Variants in ATG10 observed in about 807,000 individuals in gnomAD.
The protein encoded by ATG10 is autophagy related 10, also known as ubiquitin-like-conjugating enzyme ATG10.
ATG10 carries 30 observed loss-of-function variants against 32.1 expected under a neutral mutation model. That is an observed-to-expected ratio of 0.94 (90% CI 0.70 to 1.27). ATG10 has a LOEUF of 1.27. ATG10 is among the 50% of genes most tolerant of loss of function. ATG10 has a pLI of 0.00. For synonymous variants in ATG10, 87 were observed against 91.5 expected (o/e 0.95, Z 0.28); for missense variants, 233 against 262.3 (o/e 0.89, Z 0.77).
At chr5:82,083,265 C>T (rs978862502) in intron 3 of ATG10, among the ~76,000 whole-genome samples, 1 of 152,314 alleles carries the variant, frequency 6.6e-6, no homozygotes, top group African/African-American at 2.4e-5. Flanking sequence ...AACTGCAAGG[C>T]AGCAGTGAGG....
chr5:82,178,394 A>G, intron 4 of ATG10, 96 bp from the exon 5 acceptor site: 1 of 748,412 alleles, frequency 1.3e-6, no homozygotes, highest in Non-Finnish European at 2.4e-6. Flanking sequence ...AGATCTTTCT[A>G]AAAGTCATGA....
intron 3 of ATG10, among the ~76,000 whole-genome samples, chr5:82,069,608 A>G (rs1276371632): frequency 6.6e-6 from 1 of 152,188 alleles, no homozygotes; most frequent in Admixed American, 6.6e-5. Context: ...CATAAATGCC[A>G]GAAACTGATA....
intron 3 of ATG10, among the ~76,000 whole-genome samples, chr5:82,160,472 A>G (rs1385250750): frequency 6.6e-6 from 1 of 152,180 alleles, no homozygotes; most frequent in Non-Finnish European, 1.5e-5. Flanking sequence ...TAAAGCTGCT[A>G]TGAACATTCA....
In ATG10 at chr5:82,116,516, A is replaced by G. The variant is rs146678150; in HGVS notation, c.217-47883A>G. On this transcript the variant is annotated intron_variant, in intron 3 of 7. Transcript: ENST00000282185. The stretch of plus-strand genomic sequence containing the variant: ...TGCACCATCGCATATTATACATTTT[A>G]TATGTATATTGCAAATGTCTATGTT... Among the ~76,000 whole-genome samples, 784 of 152,216 alleles carry G rather than the reference A, an allele frequency of 5.2e-3. 5 individuals are homozygous for G. Among genetic ancestry groups the G allele is most frequent in the Non-Finnish European group, 7.7e-3 (522 of 67,990 alleles).
intron 3 of ATG10, among the ~76,000 whole-genome samples, chr5:82,070,908 T>G (rs1311055874): frequency 6.6e-6 from 1 of 152,184 alleles, no homozygotes; most frequent in African/African-American, 2.4e-5. Flanking sequence ...AAGTTACTAG[T>G]TACCTTACAA....
At chr5:82,102,395 A>G (rs944611475) in intron 3 of ATG10, among the ~76,000 whole-genome samples, 3 of 152,156 alleles carry the variant, frequency 2.0e-5, no homozygotes, top group East Asian at 1.9e-4. Flanking sequence ...GTCTGTAGTA[A>G]GTAGACTGAA....
chr5:82,049,548 A>G (rs1350447753), intron 2 of ATG10, among the ~76,000 whole-genome samples: 4 of 151,994 alleles, frequency 2.6e-5, no homozygotes, highest in African/African-American at 4.8e-5. Flanking sequence ...CTTAAAGTAT[A>G]ATAATAATAA....
chr5:82,231,013 G>A (rs1484781832), intron 5 of ATG10, among the ~76,000 whole-genome samples: 1 of 152,090 alleles, frequency 6.6e-6, no homozygotes, highest in African/African-American at 2.4e-5. Flanking sequence ...CCTTTAAGAG[G>A]CCCTAGTCTG....
At chr5:82,185,390 G>A (rs115353778) in intron 5 of ATG10, among the ~76,000 whole-genome samples, 3 of 152,218 alleles carry the variant, frequency 2.0e-5, no homozygotes, top group African/African-American at 4.8e-5. Flanking sequence ...GAAGAAACTC[G>A]TTGATTATTT....
intron 3 of ATG10, among the ~76,000 whole-genome samples, chr5:82,074,723 A>G (rs531029228): frequency 2.6e-5 from 4 of 152,174 alleles, no homozygotes; most frequent in Non-Finnish European, 5.9e-5. Flanking sequence ...CTTTAAGCAT[A>G]TGTTGGTTGA....
At chr5:82,224,323 A>G (rs1746036305) in intron 5 of ATG10, among the ~76,000 whole-genome samples, 1 of 152,194 alleles carries the variant, frequency 6.6e-6, no homozygotes, top group African/African-American at 2.4e-5. Flanking sequence ...GGTCACAAAT[A>G]CCCAGGCTTC....
intron 5 of ATG10, among the ~76,000 whole-genome samples, chr5:82,222,357 T>C (rs567592795): frequency 1.3e-5 from 2 of 152,346 alleles, no homozygotes; most frequent in African/African-American, 4.8e-5. Context: ...TTTCCTCATC[T>C]GTGAAATGGT....
rs72776839 is a variant in ATG10, at chr5:82,055,294, G to A, written c.109-3201G>A. 1.4e-4 allele frequency among the ~76,000 whole-genome samples: 21 copies of A among 151,942 alleles called. 1 individual carries two copies. The East Asian group carries it at 1.7e-3, about 13-fold the overall frequency. On this transcript the variant is annotated intron_variant, in intron 2 of 7. Coordinates refer to ENST00000282185, the MANE Select transcript of ATG10 (RefSeq NM_031482.5). ...AGAGCAAAAAACCCAGCGTACTTCC[G>A]TATCGATAATAAAAAAATGGTATTA...
At chr5:82,066,625 G>A (rs561715787) in intron 3 of ATG10, among the ~76,000 whole-genome samples, 11 of 152,026 alleles carry the variant, frequency 7.2e-5, no homozygotes, top group Non-Finnish European at 1.5e-4. Flanking sequence ...ATTTCCTGAA[G>A]CATAAAACTG....
chr5:82,205,368 T>C (rs1745250384), intron 5 of ATG10, among the ~76,000 whole-genome samples: 1 of 152,166 alleles, frequency 6.6e-6, no homozygotes, highest in East Asian at 1.9e-4. Context: ...ATTTTATTTT[T>C]CATTGTAATT....
At chr5:82,205,769 G>T (rs963841630) in intron 5 of ATG10, among the ~76,000 whole-genome samples, 3 of 152,166 alleles carry the variant, frequency 2.0e-5, no homozygotes, top group Admixed American at 2.0e-4. Flanking sequence ...TGGAAGCTAC[G>T]CTTGAGATAG....
intron 4 of ATG10, among the ~76,000 whole-genome samples, chr5:82,173,173 G>A (rs761822116): frequency 6.6e-5 from 10 of 152,106 alleles, no homozygotes; most frequent in Admixed American, 5.2e-4. Flanking sequence ...AAAAATGTTA[G>A]TGAAACCGTG....
intron 3 of ATG10, among the ~76,000 whole-genome samples, chr5:82,145,710 CT>C (rs573735182): frequency 2.7e-3 from 381 of 142,472 alleles, no homozygotes; most frequent in Middle Eastern, 3.7e-3. Flanking sequence ...ACATTATAGT[CT>C]TTTTTTTTTT....
rs1275156303 is a variant in ATG10, at chr5:82,004,801, C to G, written c.108+17123C>G. Among the ~76,000 whole-genome samples, 3 of 152,128 alleles carry G rather than the reference C, an allele frequency of 2.0e-5. No homozygotes were observed. In the East Asian group the frequency reaches 5.8e-4, roughly 29 times the overall value. On this transcript the variant is annotated intron_variant, in intron 2 of 7. Transcript: ENST00000282185. The stretch of plus-strand genomic sequence containing the variant: ...CTTGCTATGAACGTTTCTAAGTGCT[C>G]ACTTTCCTTTTCTGTATTTATCTTG...
Sources: allele counts gnomAD v4.1 joint callset (sites outside exome capture counted in the v4.1 genomes callset), GRCh38; gene constraint gnomAD v4.1.1; transcripts MANE v1.5; gene names NCBI Gene and HGNC (gene_info 2026-07-23, HGNC 2026-07-21).